SLC3A1: variants seen among roughly 807,000 people sequenced by gnomAD.
SLC3A1 encodes the protein solute carrier family 3 member 1, also known as amino acid transporter heavy chain SLC3A1.
Under a neutral mutation model 60.3 loss-of-function variants are expected in SLC3A1, and 78 were observed. The observed-to-expected ratio is 1.29, with a 90% confidence interval of 1.08 to 1.56. SLC3A1 has a LOEUF of 1.56. Among genes scored for constraint, SLC3A1 ranks in the 40% most tolerant of loss-of-function variants. The pLI is 0.00. For synonymous variants in SLC3A1, 392 were observed against 307.9 expected (o/e 1.27, Z -2.86); for missense variants, 1,172 against 858.9 (o/e 1.36, Z -4.56).
chr2:44,309,224 C>G (rs1572812650), intron 7 of SLC3A1, among the ~76,000 whole-genome samples: 1 of 152,154 alleles, frequency 6.6e-6, no homozygotes, highest in African/African-American at 2.4e-5. Context: ...TCACTTCCAC[C>G]ACTAACCCCT....
intron 4 of SLC3A1, among the ~76,000 whole-genome samples, chr2:44,287,300 G>A (rs1350119399): frequency 2.0e-5 from 3 of 152,100 alleles, no homozygotes; most frequent in Non-Finnish European, 4.4e-5. Context: ...ATGATGAGAT[G>A]CTGTTTGGAC....
chr2:44,303,882 C>T (rs1672082301), intron 6 of SLC3A1: 3 of 587,502 alleles, frequency 5.1e-6, no homozygotes, highest in South Asian at 2.0e-5. Flanking sequence ...TTTCCAGCTT[C>T]ATCCATGTCC....
chr2:44,309,177 CCAAA>C (rs1479832955), intron 7 of SLC3A1, among the ~76,000 whole-genome samples: 12 of 152,222 alleles, frequency 7.9e-5, no homozygotes, highest in Non-Finnish European at 1.5e-4. Flanking sequence ...TTTTATCATC[CCAAA>C]CAGAAAATCT....
chr2:44,312,493 T>C (rs1395160782), intron 7 of SLC3A1, 93 bp from the exon 8 acceptor site: 1 of 1,371,116 alleles, frequency 7.3e-7, no homozygotes, highest in Admixed American at 1.7e-5. Flanking sequence ...ACATCTACTT[T>C]GTTTTGCTAC....
chr2:44,289,582 G>C (rs1242772851), intron 4 of SLC3A1, among the ~76,000 whole-genome samples: 1 of 151,836 alleles, frequency 6.6e-6, no homozygotes, highest in African/African-American at 2.4e-5. Flanking sequence ...TTACTTTCTT[G>C]ATGGTGCCTT....
Position 44,300,096 on chromosome 2 carries a change from G to GT in SLC3A1, c.1011+10dup. 2 of 1,613,822 alleles carry GT rather than the reference G, an allele frequency of 1.2e-6. No individual in the cohort carries two copies. The highest frequency in any genetic ancestry group is 1.7e-6 in the Non-Finnish European group (2 of 1,179,790). On this transcript the variant is annotated splice_region_variant and intron_variant, in intron 5 of 9. Transcript: ENST00000260649. ...TAAATAAGACCCAAATCCCGGTAAA[G>GT]TTTTATTTTAAACGTTTTTCTTTTG...
In SLC3A1 at chr2:44,299,921, T is replaced by A. The variant is rs1229043014; in HGVS notation, c.892-50T>A. On this transcript the variant is annotated intron_variant, in intron 4 of 9. Coordinates refer to ENST00000260649, the MANE Select transcript of SLC3A1 (RefSeq NM_000341.4). ...CAGTCAAAACTTTGATTAAACGTTGTGATAATAACGTAGTTAATGTAACCA... is the reference window on the plus strand; with the variant it reads ...CAGTCAAAACTTTGATTAAACGTTGAGATAATAACGTAGTTAATGTAACCA... The A allele has an allele frequency of 2.5e-6, 4 of 1,602,382 alleles. No homozygotes were observed. In the Admixed American group the frequency reaches 5.0e-5, roughly 20 times the overall value.
At chr2:44,321,832 T>C, downstream of SLC3A1, 1 of 1,613,848 alleles carries the variant, frequency 6.2e-7, no homozygotes, top group East Asian at 2.2e-5. Context: ...CATACCTTTT[T>C]GTGAGAATCC....
At chr2:44,285,753 T>G (rs956470070) in intron 3 of SLC3A1, 19 of 603,304 alleles carry the variant, frequency 3.1e-5, no homozygotes, top group Non-Finnish European at 6.1e-5. Context: ...TGTCAGTTCC[T>G]TAAGTTGACC....
intron 9 of SLC3A1, among the ~76,000 whole-genome samples, chr2:44,316,946 ATT>A (rs1175934071): frequency 1.3e-5 from 2 of 151,950 alleles, no homozygotes; most frequent in Admixed American, 1.3e-4. Context: ...GATTTAAATA[ATT>A]TTTGATACAC....
intron 4 of SLC3A1, among the ~76,000 whole-genome samples, chr2:44,292,880 T>C (rs1255838458): frequency 6.6e-6 from 1 of 152,150 alleles, no homozygotes; most frequent in Non-Finnish European, 1.5e-5. Context: ...TAGGTATTTA[T>C]TTTTTATTTT....
chr2:44,299,920 G>T (rs1358717041), intron 4 of SLC3A1, 51 bp from the exon 5 acceptor site: 3 of 1,597,344 alleles, frequency 1.9e-6, no homozygotes, highest in East Asian at 4.5e-5. Context: ...ATTAAACGTT[G>T]TGATAATAAC....
chr2:44,313,985 G>GA (rs1393927616), intron 9 of SLC3A1, 34 bp downstream of exon 9: 2 of 1,613,258 alleles, frequency 1.2e-6, no homozygotes, highest in African/African-American at 2.7e-5. Context: ...GTTGATTCTA[G>GA]AAACAAAGAA....
chr2:44,314,549 A>G (rs75632154), intron 9 of SLC3A1: 1,707 of 162,916 alleles, frequency 0.01, 37 homozygotes, highest in African/African-American at 0.039. Flanking sequence ...ATGAAATTAT[A>G]GATGCCACAT....
chr2:44,316,250 T>C (rs1372078), intron 9 of SLC3A1: 3 of 151,954 alleles, frequency 2.0e-5, no homozygotes, highest in Non-Finnish European at 4.4e-5. Context: ...CAGAGAAAAT[T>C]ATAGCAAACA....
In SLC3A1 at chr2:44,320,194, A is replaced by T. The variant is rs772586246; in HGVS notation, c.1618-5A>T. ...ACTTACGTAAATACTTTTTTAAAAA[A>T]ATAGGTCCAAAAGACTCAGCCCAGA... On this transcript the variant is annotated splice_region_variant and splice_polypyrimidine_tract_variant and intron_variant, in intron 9 of 9. Coordinates refer to ENST00000260649, the MANE Select transcript of SLC3A1 (RefSeq NM_000341.4). 5 of 1,610,278 alleles carry T rather than the reference A, an allele frequency of 3.1e-6. No homozygotes were observed. In the Admixed American group the frequency reaches 5.0e-5, roughly 16 times the overall value.
Position 44,316,559 on chromosome 2 carries a change from C to T in SLC3A1, c.1617+2608C>T, listed in dbSNP as rs535902057. On this transcript the variant is annotated intron_variant, in intron 9 of 9. Coordinates refer to ENST00000260649, the MANE Select transcript of SLC3A1 (RefSeq NM_000341.4). ...GCACAGGAGAACAGACTGGAGGAAA[C>T]ATACAAAGAAATAAAATACATAACC... 3 of 152,220 alleles carry T rather than the reference C, an allele frequency of 2.0e-5. No individual in the cohort carries two copies. The East Asian group carries it at 5.8e-4, about 29-fold the overall frequency. The allele number at this position is 152,220 out of a possible 1,614,324, so 9.4% of individuals were successfully genotyped here.
chr2:44,300,679 C>T (rs1339796732), intron 5 of SLC3A1, among the ~76,000 whole-genome samples: 1 of 152,080 alleles, frequency 6.6e-6, no homozygotes, highest in African/African-American at 2.4e-5. Context: ...GCTCTATAAC[C>T]ACTAAGATCT....
intron 1 of SLC3A1, 60 bp downstream of exon 1, chr2:44,276,025 TG>T (rs1463227815): frequency 6.6e-7 from 1 of 1,512,234 alleles, no homozygotes; most frequent in Non-Finnish European, 9.2e-7. Context: ...ATGGTTCTTT[TG>T]TTCTTCAGAA....
Sources: allele counts gnomAD v4.1 joint callset (sites outside exome capture counted in the v4.1 genomes callset), GRCh38; gene constraint gnomAD v4.1.1; transcripts MANE v1.5; gene names NCBI Gene and HGNC (gene_info 2026-07-23, HGNC 2026-07-21).